BRCA1: variants seen among roughly 807,000 people sequenced by gnomAD.
BRCA1 encodes the protein breast cancer type 1 susceptibility protein.
A neutral mutation model predicts 173.7 loss-of-function variants in BRCA1; 140 were observed. The ratio of observed to expected loss-of-function variants is 0.81; its 90% CI spans 0.70 to 0.93. The LOEUF (loss-of-function observed/expected upper bound fraction) is 0.93, where lower values mean the gene tolerates loss of function less well. Ranked by LOEUF, BRCA1 falls within the 40% of genes least tolerant of loss-of-function variation. The pLI, the probability that BRCA1 is intolerant of heterozygous loss-of-function variation, is 0.00. For missense variants in BRCA1, 1,983 were observed against 2,172.5 expected (o/e 0.91, Z 1.73); for synonymous variants, 662 against 756.0 (o/e 0.88, Z 2.04).
At chr17:43,107,351 CCATG>C (rs1283037081) in intron 3 of BRCA1, among the ~76,000 whole-genome samples, 1 of 151,410 alleles carries the variant, frequency 6.6e-6, no homozygotes, top group Non-Finnish European at 1.5e-5. Flanking sequence ...GTGTGAGCCA[CCATG>C]CCTGGCCGAC....
upstream of BRCA1, among the ~76,000 whole-genome samples, chr17:43,128,653 G>A (rs1439016410): frequency 6.6e-6 from 1 of 152,154 alleles, no homozygotes; most frequent in East Asian, 1.9e-4. Context: ...ATAACTGGAA[G>A]ACTAGGATGA....
upstream of BRCA1, among the ~76,000 whole-genome samples, chr17:43,126,782 C>A (rs2055889305): frequency 6.6e-6 from 1 of 152,206 alleles, no homozygotes; most frequent in Non-Finnish European, 1.5e-5. Flanking sequence ...TGTGGGGGCC[C>A]CTCTCTGGGC....
intron 2 of BRCA1, among the ~76,000 whole-genome samples, chr17:43,121,565 C>T (rs987923046): frequency 2.6e-5 from 4 of 151,064 alleles, no homozygotes; most frequent in Admixed American, 6.6e-5. Context: ...TGCCTGCAAT[C>T]CCAGGTACTC....
rs1349471210 is a variant in BRCA1, at chr17:43,154,605, CCCTA to C, written c.-20+15517_-20+15520del. 7.2e-5 allele frequency among the ~76,000 whole-genome samples: 11 copies of C among 152,082 alleles called. No homozygotes were observed. In the South Asian group the frequency reaches 8.3e-4, roughly 11 times the overall value. On this transcript the variant is annotated intron_variant, in intron 1 of 7. Transcript: ENST00000634433. ...GAAAATACATCACCCCAGTTCCCAT[CCCTA>C]CCTGTCTATCCACAAAACCAAGGCA...
chr17:43,074,299 T>C lies in BRCA1; in HGVS notation c.4675+32A>G, dbSNP rs762883588. 35 of 1,610,816 alleles carry C rather than the reference T, an allele frequency of 2.2e-5. No individual in the cohort carries two copies. In the South Asian group the frequency reaches 3.1e-4, roughly 14 times the overall value. Reference sequence around the variant, plus strand: ...TGTAGGATTCAGAGTAAAATCAAAGTGTTTGTTCCAATACAGCAGATGAAA... The same window carrying C: ...TGTAGGATTCAGAGTAAAATCAAAGCGTTTGTTCCAATACAGCAGATGAAA... On this transcript the variant is annotated intron_variant, in intron 14 of 22. Coordinates refer to ENST00000357654, the MANE Select transcript of BRCA1 (RefSeq NM_007294.4).
chr17:43,055,754 C>G (rs1258574990), intron 19 of BRCA1, among the ~76,000 whole-genome samples: 1 of 152,154 alleles, frequency 6.6e-6, no homozygotes, highest in Non-Finnish European at 1.5e-5. Flanking sequence ...CCACTGCACT[C>G]CAGACTGGCC....
Position 43,076,491 on chromosome 17 carries a change from T to C in BRCA1, c.4481A>G (p.Glu1494Gly), listed in dbSNP as rs758779691. The change falls in exon 13 of 23, where the codon GAA (glutamate) becomes GGA (glycine). Residue 1494 changes from glutamate (E) to glycine (G), a missense_variant. Coordinates refer to ENST00000357654, the MANE Select transcript of BRCA1 (RefSeq NM_007294.4). ...TCTTTACATTGATGTTTCTTACCTT[T>C]CCACTCCTGGTTCTTTATTTTTACT... ...STSKNKEPGVERSSPSKCPSL... is the reference protein window; with the variant it reads ...STSKNKEPGVGRSSPSKCPSL... The C allele has an allele frequency of 3.1e-6, 5 of 1,613,712 alleles. No homozygotes were observed. The highest frequency in any genetic ancestry group is 2.2e-5 in the South Asian group (2 of 91,074).
chr17:43,083,716 T>G (rs1344047453), intron 11 of BRCA1, among the ~76,000 whole-genome samples: 1 of 152,148 alleles, frequency 6.6e-6, no homozygotes, highest in African/African-American at 2.4e-5. Flanking sequence ...ATAGTTACTG[T>G]TTTTAAAATA....
rs587780796 is a variant in BRCA1 at position 43,093,701 on chromosome 17, C to T, written c.1830G>A (p.Arg610=). The T allele has an allele frequency of 5.6e-6, 9 of 1,614,050 alleles. No individual in the cohort carries two copies. Among genetic ancestry groups the T allele is most frequent in the Non-Finnish European group, 5.9e-6 (7 of 1,180,010 alleles). Residue 610 remains arginine, a synonymous_variant, in exon 10 of 23, where the codon AGG becomes AGA. Transcript: ENST00000357654. ...GCCTGGTAGAAGACTTCCTCCTCAGCCTATTCTTTTTAGGTGCTTTTGAAT... is the reference window on the plus strand; with the variant it reads ...GCCTGGTAGAAGACTTCCTCCTCAGTCTATTCTTTTTAGGTGCTTTTGAAT... ...IHNSKAPKKN[R]LRRKSSTRHI...
intron 4 of BRCA1, among the ~76,000 whole-genome samples, chr17:43,106,185 G>C (rs779860754): frequency 3.3e-5 from 5 of 151,894 alleles, no homozygotes; most frequent in Non-Finnish European, 7.4e-5. Context: ...CAGACAATGG[G>C]GGCACGGCGA....
At chr17:43,121,683 C>CAAAA (rs71160013) in intron 2 of BRCA1, among the ~76,000 whole-genome samples, 1,097 of 32,830 alleles carry the variant, frequency 0.033, 151 homozygotes, top group East Asian at 0.081. Flanking sequence ...AAGTCTGTCT[C>CAAAA]AAAAAAAAAA....
At chr17:43,137,733 C>G (rs1414706460) in intron 1 of BRCA1, among the ~76,000 whole-genome samples, 5 of 152,004 alleles carry the variant, frequency 3.3e-5, no homozygotes, top group South Asian at 4.2e-4. Context: ...AAAAATTAGC[C>G]GGGCATGGTG....
At chr17:43,160,450 CGT>C (rs2056228768) in intron 1 of BRCA1, 1 of 151,976 alleles carries the variant, frequency 6.6e-6, no homozygotes, top group African/African-American at 2.4e-5. Context: ...GCAGGAGGTA[CGT>C]GGGTACGTGA....
chr17:43,101,928 T>C (rs1045697159), intron 6 of BRCA1, among the ~76,000 whole-genome samples: 4 of 152,060 alleles, frequency 2.6e-5, no homozygotes, highest in Non-Finnish European at 4.4e-5. Flanking sequence ...TTTTAAAAGA[T>C]AGGGTCTCAG....
At chr17:43,084,472 T>C (rs2053152830) in intron 11 of BRCA1, among the ~76,000 whole-genome samples, 1 of 152,184 alleles carries the variant, frequency 6.6e-6, no homozygotes, top group South Asian at 2.1e-4. Flanking sequence ...GGCTTCAAAA[T>C]ATACATGTTT....
chr17:43,106,345 T>C lies in BRCA1; in HGVS notation c.212+111A>G, dbSNP rs1279418523. ...TAATTTACTGTGTGCTAAAAACTCT[T>C]TTATAAATTTTTCTGATGAATGGTT... On this transcript the variant is annotated intron_variant, in intron 4 of 22. Transcript: ENST00000357654. 8.2e-6 allele frequency: 6 copies of C among 728,184 alleles called. No individual in the cohort carries two copies. The East Asian group carries it at 1.1e-4, about 14-fold the overall frequency. The allele number at this position is 728,184 out of a possible 1,614,324, so 45.1% of individuals were successfully genotyped here. A position where few individuals can be genotyped will look rare whatever the true frequency, so the allele number is the denominator to read the frequency against.
At chr17:43,144,882 C>T (rs2056107875) in intron 1 of BRCA1, 3 of 529,294 alleles carry the variant, frequency 5.7e-6, no homozygotes, top group Non-Finnish European at 7.4e-6. Flanking sequence ...AGCGGCCAGG[C>T]AGCCCAGCTT....
chr17:43,073,906 T>G (rs2052565915), intron 14 of BRCA1, among the ~76,000 whole-genome samples: 1 of 152,048 alleles, frequency 6.6e-6, no homozygotes, highest in African/African-American at 2.4e-5. Flanking sequence ...GGGCATGCAC[T>G]AGCACACCCA....
In BRCA1 at chr17:43,091,603, T is replaced by A. The variant is rs2053499046; in HGVS notation, c.3928A>T (p.Thr1310Ser). ...CSELEDLTAN[T>S]NTQDPFLIGS... ...ATCAAGAAAGGATCCTGGGTGTTTG[T>A]ATTTGCAGTCAAGTCTTCCAATTCA... The change falls in exon 10 of 23, where the codon ACA (threonine) becomes TCA (serine). Residue 1310 changes from threonine (T) to serine (S), a missense_variant. By Grantham distance (58) the Thr-to-Ser change is moderately conservative. Coordinates refer to ENST00000357654, the MANE Select transcript of BRCA1 (RefSeq NM_007294.4). 1 of 1,614,236 alleles carries A rather than the reference T, an allele frequency of 6.2e-7. No individual in the cohort carries two copies. The highest frequency in any genetic ancestry group is 8.5e-7 in the Non-Finnish European group (1 of 1,180,036).
Sources: gnomAD v4.1 joint callset for allele counts (sites outside exome capture counted in the v4.1 genomes callset) on GRCh38, gnomAD v4.1.1 for gene constraint, MANE v1.5 for transcripts, NCBI Gene and HGNC (gene_info 2026-07-23, HGNC 2026-07-21) for gene names.